The following BICRAL variants were observed in gnomAD, a reference collection of about 807,000 sequenced individuals.
The protein encoded by BICRAL is BRD4-interacting chromatin-remodeling complex-associated protein-like.
A neutral mutation model predicts 91.8 loss-of-function variants in BICRAL; 8 were observed. The observed-to-expected ratio is 0.09, with a 90% CI of 0.05 to 0.16. The LOEUF (loss-of-function observed/expected upper bound fraction) is 0.16. Ranked by LOEUF, BICRAL falls within the 10% of genes least tolerant of loss-of-function variation. The pLI is 1.00. For missense variants in BICRAL, 1,038 were observed against 1,310.9 expected, an observed-to-expected ratio of 0.79 and a Z score of 3.21; for synonymous variants, 445 against 491.1, an observed-to-expected ratio of 0.91 and a Z score of 1.24.
chr6:42,857,447 G>A (rs1282243750), intron 10 of BICRAL, among the ~76,000 whole-genome samples: 6 of 151,642 alleles, frequency 4.0e-5, no homozygotes, highest in Non-Finnish European at 7.4e-5. Context: ...GGGAAGTCAA[G>A]AGTAGGGGCA....
chr6:42,814,548 G>C (rs58706081), intron 2 of BICRAL, among the ~76,000 whole-genome samples: 1 of 111,188 alleles, frequency 9.0e-6, no homozygotes, highest in Non-Finnish European at 1.7e-5. Flanking sequence ...TTTAGATGAA[G>C]TCTTGGTCTG....
At chr6:42,782,570 T>C (rs1480274293) in intron 1 of BICRAL, among the ~76,000 whole-genome samples, 1 of 150,254 alleles carries the variant, frequency 6.7e-6, no homozygotes, top group Non-Finnish European at 1.5e-5. Flanking sequence ...TCCTTTTTTT[T>C]CTTTTCCGCG....
At chr6:42,795,850 A>G (rs1763401947) in intron 1 of BICRAL, among the ~76,000 whole-genome samples, 1 of 152,232 alleles carries the variant, frequency 6.6e-6, no homozygotes, top group South Asian at 2.1e-4. Flanking sequence ...AAGGCACTGC[A>G]GTGATATTTC....
intron 1 of BICRAL, among the ~76,000 whole-genome samples, chr6:42,800,256 G>A (rs918572414): frequency 6.6e-6 from 1 of 151,988 alleles, no homozygotes; most frequent in Non-Finnish European, 1.5e-5. Flanking sequence ...GTAGAGATAG[G>A]GTTTCACTAT....
At chr6:42,783,592 G>T (rs1763005697) in intron 1 of BICRAL, among the ~76,000 whole-genome samples, 1 of 152,210 alleles carries the variant, frequency 6.6e-6, no homozygotes, top group South Asian at 2.1e-4. Context: ...GCTAGCGGGA[G>T]CCGAGAGCAG....
At chr6:42,750,102 T>A (rs57298359) in intron 1 of BICRAL, among the ~76,000 whole-genome samples, 19,553 of 151,992 alleles carry the variant, frequency 0.13, 1,344 homozygotes, top group Admixed American at 0.17. Context: ...TGACCTCATG[T>A]TCTGCCCACC....
intron 6 of BICRAL, among the ~76,000 whole-genome samples, chr6:42,850,942 G>A (rs1765159949): frequency 6.6e-6 from 1 of 152,104 alleles, no homozygotes; most frequent in Non-Finnish European, 1.5e-5. Flanking sequence ...TGTAATCCCA[G>A]CACTTTGGGA....
chr6:42,855,129 T>G (rs574316398), intron 8 of BICRAL, among the ~76,000 whole-genome samples: 1 of 152,312 alleles, frequency 6.6e-6, no homozygotes, highest in South Asian at 2.1e-4. Context: ...AAATGCCTCG[T>G]TAGATCACAC....
intron 2 of BICRAL, among the ~76,000 whole-genome samples, chr6:42,816,315 G>C (rs552598941): frequency 6.6e-6 from 1 of 151,540 alleles, no homozygotes; most frequent in African/African-American, 2.4e-5. Flanking sequence ...AGAGTTCAAG[G>C]CCAGGCTGGG....
At chr6:42,807,722 C>G (rs1269955505) in intron 1 of BICRAL, among the ~76,000 whole-genome samples, 1 of 150,980 alleles carries the variant, frequency 6.6e-6, no homozygotes. Context: ...AGGAGAATCG[C>G]TTGAACCTGG....
At chr6:42,772,974 T>C (rs1762757787) in intron 1 of BICRAL, among the ~76,000 whole-genome samples, 1 of 152,086 alleles carries the variant, frequency 6.6e-6, no homozygotes, top group Admixed American at 6.6e-5. Flanking sequence ...ATATTTAACA[T>C]GTATAGCATG....
intron 1 of BICRAL, among the ~76,000 whole-genome samples, chr6:42,802,616 T>A (rs1235814961): frequency 2.0e-5 from 3 of 152,100 alleles, no homozygotes; most frequent in African/African-American, 7.2e-5. Context: ...GCCCAGCTAA[T>A]TTTTTGTATT....
intron 6 of BICRAL, among the ~76,000 whole-genome samples, chr6:42,840,408 AT>A (rs993650351): frequency 6.6e-6 from 1 of 151,236 alleles, no homozygotes; most frequent in East Asian, 2.0e-4. Context: ...ACACCCGCTA[AT>A]TTTTTGTATT....
At chr6:42,755,765 G>A (rs184386013) in intron 1 of BICRAL, among the ~76,000 whole-genome samples, 133 of 151,898 alleles carry the variant, frequency 8.8e-4, no homozygotes, top group African/African-American at 3.1e-3. Context: ...CGCCTCCTGG[G>A]TTCAAGCGAT....
At chr6:42,857,614 A>AAAAAAATATAT in intron 10 of BICRAL, among the ~76,000 whole-genome samples, 26 of 96,218 alleles carry the variant, frequency 2.7e-4, no homozygotes, top group African/African-American at 7.9e-4. Flanking sequence ...AAAAAAAAAA[A>AAAAAAATATAT]ATATATATAT....
chr6:42,831,040 A>G (rs185622693), intron 6 of BICRAL, among the ~76,000 whole-genome samples: 46 of 152,324 alleles, frequency 3.0e-4, no homozygotes, highest in African/African-American at 1.1e-3. Flanking sequence ...AATTGTCTTC[A>G]TTAGTGAAAT....
In BICRAL at chr6:42,753,950, G is replaced by A. The variant is rs577811358; in HGVS notation, c.-261+6927G>A. Among the ~76,000 whole-genome samples, 84 of 149,224 alleles carry A rather than the reference G, an allele frequency of 5.6e-4. 2 individuals are homozygous for A. The South Asian group carries it at 0.017, about 31-fold the overall frequency. ...ACTTCCCAAAGTGCTGGGATTACAG[G>A]CATGAGCCACTACACTTCATGGGAA... On this transcript the variant is annotated intron_variant, in intron 1 of 14. Coordinates refer to the BICRAL transcript ENST00000614467.
At chr6:42,847,825 C>A (rs7752422) in intron 6 of BICRAL, among the ~76,000 whole-genome samples, 71,994 of 149,986 alleles carry the variant, frequency 0.48, 18,630 homozygotes, top group African/African-American at 0.69. Flanking sequence ...TGGGAGGCTG[C>A]GGCAGAAAAT....
intron 1 of BICRAL, among the ~76,000 whole-genome samples, chr6:42,752,095 TC>T (rs1762389887): frequency 1.3e-5 from 2 of 151,988 alleles, no homozygotes; most frequent in African/African-American, 4.8e-5. Flanking sequence ...AGGCAAATCT[TC>T]CTACCTTGGC....
Sources: allele counts gnomAD v4.1 joint callset (sites outside exome capture counted in the v4.1 genomes callset), GRCh38; gene constraint gnomAD v4.1.1; transcripts MANE v1.5; gene names NCBI Gene and HGNC (gene_info 2026-07-23, HGNC 2026-07-21).